Variants in JMJD1C observed in about 807,000 individuals in gnomAD.
The protein encoded by JMJD1C is jumonji domain-containing protein 1C.
A neutral mutation model predicts 245.3 loss-of-function variants in JMJD1C; 31 were observed. The ratio of observed to expected loss-of-function variants is 0.13; its 90% CI spans 0.09 to 0.17. The LOEUF (loss-of-function observed/expected upper bound fraction) is 0.17. Ranked by LOEUF, JMJD1C falls within the 10% of genes least tolerant of loss-of-function variation. The pLI is 1.00. For missense variants in JMJD1C, 2,691 were observed against 3,000.2 expected (o/e 0.90, Z 2.41); for synonymous variants, 1,057 against 1,017.4 (o/e 1.04, Z -0.74).
At chr10:63,199,784 C>G (rs1027452259) in intron 11 of JMJD1C, among the ~76,000 whole-genome samples, 1 of 152,148 alleles carries the variant, frequency 6.6e-6, no homozygotes, top group African/African-American at 2.4e-5. Context: ...GAGGTCTATA[C>G]TGGGCTACCA....
chr10:63,258,404 T>C (rs775565199), intron 3 of JMJD1C, among the ~76,000 whole-genome samples: 28 of 152,228 alleles, frequency 1.8e-4, no homozygotes, highest in African/African-American at 6.5e-4. Flanking sequence ...CAACATGCCA[T>C]TGTTACACAG....
At chr10:63,171,117 A>G (rs985706268) in intron 24 of JMJD1C, among the ~76,000 whole-genome samples, 5 of 152,190 alleles carry the variant, frequency 3.3e-5, no homozygotes, top group African/African-American at 1.2e-4. Context: ...CTCATGATAA[A>G]TGACCAAACA....
intron 2 of JMJD1C, among the ~76,000 whole-genome samples, chr10:63,289,800 T>A (rs1858423454): frequency 6.6e-6 from 1 of 152,274 alleles, no homozygotes; most frequent in South Asian, 2.1e-4. Context: ...TACATAAATA[T>A]TAGATCACAG....
intron 3 of JMJD1C, among the ~76,000 whole-genome samples, chr10:63,247,799 A>C (rs1012853306): frequency 6.6e-6 from 1 of 151,700 alleles, no homozygotes; most frequent in Non-Finnish European, 1.5e-5. Context: ...GGATCTAATG[A>C]CTTTACTACT....
rs180825448 is a variant in JMJD1C, at chr10:63,363,289, C to T, written c.333+17029G>A. Among the ~76,000 whole-genome samples the T allele has an allele frequency of 2.6e-3, 354 of 137,712 alleles. 3 individuals carry two copies. The South Asian group carries it at 0.03, about 12-fold the overall frequency. 90.3% of individuals were successfully genotyped at this position (137,712 alleles called of 152,430 possible). ...TTTTTTTTTTTTCCTGATGGAGTCT[C>T]GCTCTGTCGTCCAGGCTGGAGTGCA... On this transcript the variant is annotated intron_variant, in intron 2 of 25. Coordinates refer to ENST00000399262, the MANE Select transcript of JMJD1C (RefSeq NM_032776.3).
intron 1 of JMJD1C, among the ~76,000 whole-genome samples, chr10:63,510,608 A>G (rs1256132151): frequency 6.6e-6 from 1 of 152,204 alleles, no homozygotes; most frequent in Admixed American, 6.5e-5. Context: ...TTTATGGCCT[A>G]GAATGAAGTT....
At chr10:63,466,139 A>AGGCGGC (rs3841602), upstream of JMJD1C, 78,875 of 176,914 alleles carry the variant, frequency 0.45, 18,643 homozygotes, top group South Asian at 0.58. Flanking sequence ...CCAGATCCAG[A>AGGCGGC]GGCGGCGGCG....
At chr10:63,418,558 C>A (rs1443846106) in intron 1 of JMJD1C, among the ~76,000 whole-genome samples, 3 of 152,056 alleles carry the variant, frequency 2.0e-5, no homozygotes, top group African/African-American at 7.2e-5. Context: ...TTCTTAAAGC[C>A]ATGCCAAAAC....
At chr10:63,267,932 G>A (rs1032504404) in intron 2 of JMJD1C, among the ~76,000 whole-genome samples, 9 of 151,936 alleles carry the variant, frequency 5.9e-5, no homozygotes, top group Non-Finnish European at 1.2e-4. Flanking sequence ...AGGAAGACGC[G>A]AACAGATGAG....
chr10:63,328,998 C>A (rs1047696854), intron 2 of JMJD1C, among the ~76,000 whole-genome samples: 2 of 152,094 alleles, frequency 1.3e-5, no homozygotes, highest in Non-Finnish European at 2.9e-5. Context: ...CAGTAAAAAA[C>A]TGGCCAGGTG....
intron 3 of JMJD1C, among the ~76,000 whole-genome samples, chr10:63,255,708 A>G (rs545920126): frequency 6.6e-6 from 1 of 152,310 alleles, no homozygotes; most frequent in East Asian, 1.9e-4. Context: ...TTAATAAATT[A>G]ATATATATCC....
chr10:63,364,661 A>AT (rs992665154), intron 2 of JMJD1C, among the ~76,000 whole-genome samples: 5 of 151,870 alleles, frequency 3.3e-5, no homozygotes, highest in African/African-American at 1.2e-4. Flanking sequence ...AATTTTTTGT[A>AT]TTTTTTGTAG....
chr10:63,183,677 A>T (rs772578294), intron 21 of JMJD1C, 108 bp from the exon 22 acceptor site: 2 of 614,834 alleles, frequency 3.3e-6, no homozygotes, highest in Non-Finnish European at 5.1e-6. Context: ...TTGTAATTTG[A>T]GTTTTAGTTT....
chr10:63,409,264 G>A (rs531015738), intron 1 of JMJD1C, among the ~76,000 whole-genome samples: 2 of 152,246 alleles, frequency 1.3e-5, no homozygotes, highest in East Asian at 3.9e-4. Context: ...AATTCTGGGA[G>A]GGATGGAACT....
intron 3 of JMJD1C, among the ~76,000 whole-genome samples, chr10:63,238,157 G>A (rs1450179697): frequency 6.8e-6 from 1 of 146,914 alleles, no homozygotes; most frequent in African/African-American, 2.5e-5. Context: ...CTCCAGCCTG[G>A]GTGACAGTGT....
At chr10:63,417,069 G>T (rs1398969997) in intron 1 of JMJD1C, among the ~76,000 whole-genome samples, 1 of 152,128 alleles carries the variant, frequency 6.6e-6, no homozygotes, top group East Asian at 1.9e-4. Context: ...AACTAAACTT[G>T]TCACAGGATC....
intron 1 of JMJD1C, among the ~76,000 whole-genome samples, chr10:63,400,694 C>G (rs1948794610): frequency 6.6e-6 from 1 of 152,090 alleles, no homozygotes; most frequent in South Asian, 2.1e-4. Context: ...TCCCGAGTAG[C>G]TGAGATTACA....
intron 14 of JMJD1C, 91 bp from the exon 15 acceptor site, chr10:63,193,563 G>T: frequency 2.6e-6 from 2 of 764,960 alleles, no homozygotes; most frequent in Non-Finnish European, 3.9e-6. Flanking sequence ...ATTATAATTG[G>T]GAATAACGGA....
At chr10:63,434,849 T>C (rs1950974810) in intron 1 of JMJD1C, among the ~76,000 whole-genome samples, 1 of 152,244 alleles carries the variant, frequency 6.6e-6, no homozygotes, top group Non-Finnish European at 1.5e-5. Context: ...ATAGTTCCTG[T>C]TCCCAACAGT....
Sources: allele counts gnomAD v4.1 joint callset (sites outside exome capture counted in the v4.1 genomes callset), GRCh38; gene constraint gnomAD v4.1.1; transcripts MANE v1.5; gene names NCBI Gene and HGNC (gene_info 2026-07-23, HGNC 2026-07-21).